Variants in CHL1 observed in about 807,000 individuals in gnomAD.
CHL1 encodes cell adhesion molecule L1 like.
CHL1 carries 96 observed loss-of-function variants against 141.9 expected under a neutral mutation model. That is an observed-to-expected ratio of 0.68 (90% CI 0.57 to 0.80). The LOEUF (loss-of-function observed/expected upper bound fraction) is 0.80. Ranked by LOEUF, CHL1 falls within the 30% of genes least tolerant of loss-of-function variation. CHL1 has a pLI of 0.00. For missense variants in CHL1, 1,820 were observed against 1,457.2 expected (o/e 1.25, Z -4.05); for synonymous variants, 613 against 502.2 (o/e 1.22, Z -2.95).
chr3:275,552 T>G (rs534697370), intron 2 of CHL1, among the ~76,000 whole-genome samples: 70 of 152,352 alleles, frequency 4.6e-4, no homozygotes, highest in African/African-American at 1.7e-3. Flanking sequence ...TTTTGTTACC[T>G]ATAGCAAAAT....
At chr3:256,879 A>G (rs1189289463) in intron 2 of CHL1, among the ~76,000 whole-genome samples, 1 of 152,166 alleles carries the variant, frequency 6.6e-6, no homozygotes, top group Non-Finnish European at 1.5e-5. Context: ...CCAGCCTTGG[A>G]ATCTGGGCAA....
intron 2 of CHL1, among the ~76,000 whole-genome samples, chr3:275,830 A>T (rs959222292): frequency 5.9e-5 from 9 of 152,144 alleles, no homozygotes; most frequent in Admixed American, 2.0e-4. Flanking sequence ...AAACTTACAT[A>T]AAAAAACTAG....
chr3:399,366 G>C (rs920265888), intron 26 of CHL1, among the ~76,000 whole-genome samples: 4 of 152,172 alleles, frequency 2.6e-5, no homozygotes, highest in African/African-American at 9.7e-5. Context: ...TAACTGCCGG[G>C]CGCAGTGGCT....
At chr3:279,336 T>A (rs1696431891) in intron 2 of CHL1, among the ~76,000 whole-genome samples, 1 of 152,238 alleles carries the variant, frequency 6.6e-6, no homozygotes, top group South Asian at 2.1e-4. Context: ...GCCTTAAGCT[T>A]CTTAAAATAT....
chr3:396,626 G>T (rs1708691897), intron 24 of CHL1, among the ~76,000 whole-genome samples: 1 of 152,106 alleles, frequency 6.6e-6, no homozygotes, highest in Non-Finnish European at 1.5e-5. Context: ...TAACTAATGT[G>T]CTGCATGTCT....
chr3:377,552 C>T (rs902665990), intron 15 of CHL1, among the ~76,000 whole-genome samples: 1 of 152,146 alleles, frequency 6.6e-6, no homozygotes, highest in African/African-American at 2.4e-5. Context: ...ACATACAGTT[C>T]CATCACTGAC....
At chr3:382,338 A>G (rs1575236377) in intron 17 of CHL1, 58 bp downstream of exon 17, 1 of 1,524,316 alleles carries the variant, frequency 6.6e-7, no homozygotes, top group Admixed American at 1.7e-5. Flanking sequence ...TTAATAGCGA[A>G]GTCACTTTTT....
At chr3:395,819 A>G (rs1019315255) in intron 24 of CHL1, among the ~76,000 whole-genome samples, 11 of 152,344 alleles carry the variant, frequency 7.2e-5, no homozygotes, top group South Asian at 6.2e-4. Context: ...CAAGTTGTAG[A>G]TTAGAAAAAC....
intron 2 of CHL1, among the ~76,000 whole-genome samples, chr3:276,890 TAAAAA>T (rs11292528): frequency 3.1e-5 from 2 of 64,440 alleles, no homozygotes; most frequent in African/African-American, 6.1e-5. Flanking sequence ...CTCCGTCTCC[TAAAAA>T]AAAAAAAAAA....
intron 1 of CHL1, among the ~76,000 whole-genome samples, chr3:224,948 C>G (rs1701183805): frequency 6.6e-6 from 1 of 151,188 alleles, no homozygotes; most frequent in African/African-American, 2.4e-5. Context: ...CCAGCCTGGC[C>G]AACATGGTGA....
chr3:325,913 C>T, intron 3 of CHL1, 46 bp from the exon 4 acceptor site: 2 of 1,308,994 alleles, frequency 1.5e-6, no homozygotes, highest in Non-Finnish European at 2.2e-6. Flanking sequence ...TTAACCTTGC[C>T]TGCTGTTTGA....
intron 1 of CHL1, among the ~76,000 whole-genome samples, chr3:208,638 G>T (rs1221532238): frequency 1.3e-5 from 2 of 152,110 alleles, no homozygotes; most frequent in Non-Finnish European, 2.9e-5. Flanking sequence ...ATCCGTTTTG[G>T]TTATTTGAAT....
At chr3:374,166 A>T (rs1157652661) in intron 15 of CHL1, 1 of 151,748 alleles carries the variant, frequency 6.6e-6, no homozygotes, top group African/African-American at 2.4e-5. Context: ...AGCCGCCTCT[A>T]TGCAAAGGCA....
chr3:229,463 A>G (rs538108397), intron 1 of CHL1, among the ~76,000 whole-genome samples: 30 of 152,322 alleles, frequency 2.0e-4, no homozygotes, highest in Non-Finnish European at 2.9e-4. Flanking sequence ...AGTGCAGGCA[A>G]CAACCTGACA....
intron 9 of CHL1, among the ~76,000 whole-genome samples, chr3:347,580 T>C (rs1702870813): frequency 2.0e-5 from 3 of 151,952 alleles, no homozygotes; most frequent in South Asian, 2.1e-4. Flanking sequence ...GACTAGGGAG[T>C]CCGGGAGATC....
intron 2 of CHL1, among the ~76,000 whole-genome samples, chr3:312,370 A>G (rs1263100738): frequency 6.6e-6 from 1 of 152,168 alleles, no homozygotes. Flanking sequence ...ATATGGCTAT[A>G]ATGCACAGTG....
intron 2 of CHL1, among the ~76,000 whole-genome samples, chr3:305,892 C>A (rs1057189704): frequency 2.0e-5 from 3 of 151,704 alleles, no homozygotes; most frequent in African/African-American, 7.3e-5. Context: ...AAAAATGGTA[C>A]GTGATGATAA....
intron 1 of CHL1, among the ~76,000 whole-genome samples, chr3:206,522 G>A (rs1447091696): frequency 6.6e-6 from 1 of 152,002 alleles, no homozygotes; most frequent in African/African-American, 2.4e-5. Context: ...TTGAGGCCAG[G>A]AGTTCAAGAC....
intron 5 of CHL1, among the ~76,000 whole-genome samples, chr3:340,176 A>G (rs1702246556): frequency 6.6e-6 from 1 of 152,202 alleles, no homozygotes; most frequent in Non-Finnish European, 1.5e-5. Flanking sequence ...TGAAATATTG[A>G]CAAGTCTCAT....
Sources: allele counts gnomAD v4.1 joint callset (sites outside exome capture counted in the v4.1 genomes callset), GRCh38; gene constraint gnomAD v4.1.1; transcripts MANE v1.5; gene names NCBI Gene and HGNC (gene_info 2026-07-23, HGNC 2026-07-21).